Variants in KCNQ5 observed in about 807,000 individuals in gnomAD.
The protein encoded by KCNQ5 is potassium voltage-gated channel subfamily KQT member 5.
In KCNQ5, 30 loss-of-function variants were observed where a neutral mutation model predicts 98.2. The ratio of observed to expected loss-of-function variants is 0.31; its 90% CI spans 0.23 to 0.41. The LOEUF is 0.41. Ranked by LOEUF, KCNQ5 falls within the 10% of genes least tolerant of loss-of-function variation. The probability of loss-of-function intolerance (pLI) is 1.00; values close to 1 mark genes in which losing one functional copy is unlikely to be tolerated. For missense variants in KCNQ5, 835 were observed against 1,182.5 expected (o/e 0.71, Z 4.31); for synonymous variants, 458 against 449.4 (o/e 1.02, Z -0.24).
At chr6:72,759,602 T>G (rs1297319381) in intron 1 of KCNQ5, among the ~76,000 whole-genome samples, 1 of 152,026 alleles carries the variant, frequency 6.6e-6, no homozygotes. Context: ...GCCTCCCAAT[T>G]TACCTGGCAC....
intron 1 of KCNQ5, among the ~76,000 whole-genome samples, chr6:72,868,692 G>A (rs4706515): frequency 0.39 from 59,870 of 152,028 alleles, 12,536 homozygotes; most frequent in South Asian, 0.5. Flanking sequence ...AGAGCAACCA[G>A]TAAGCTCTAT....
At chr6:72,707,692 A>T (rs941611083) in intron 1 of KCNQ5, among the ~76,000 whole-genome samples, 3 of 152,192 alleles carry the variant, frequency 2.0e-5, no homozygotes, top group Non-Finnish European at 4.4e-5. Flanking sequence ...TTTTATGTGC[A>T]CATGTTTAAC....
intron 1 of KCNQ5, among the ~76,000 whole-genome samples, chr6:72,644,640 A>G (rs1273379113): frequency 2.6e-5 from 4 of 152,198 alleles, no homozygotes; most frequent in Non-Finnish European, 5.9e-5. Context: ...TGGAAGGATT[A>G]AACTACTAGA....
At chr6:72,633,857 T>C (rs2098922477) in intron 1 of KCNQ5, among the ~76,000 whole-genome samples, 1 of 152,200 alleles carries the variant, frequency 6.6e-6, no homozygotes, top group African/African-American at 2.4e-5. Flanking sequence ...ACTGGACCCC[T>C]ACCTTTCACC....
At chr6:73,085,477 C>A (rs7739433) in intron 5 of KCNQ5, among the ~76,000 whole-genome samples, 111,830 of 152,110 alleles carry the variant, frequency 0.74, 45,014 homozygotes, top group Non-Finnish European at 0.89. Flanking sequence ...TCCCTAGCTC[C>A]TTTGAAATCA....
intron 11 of KCNQ5, among the ~76,000 whole-genome samples, chr6:73,185,764 G>A (rs1778549358): frequency 6.6e-6 from 1 of 152,134 alleles, no homozygotes; most frequent in South Asian, 2.1e-4. Context: ...TTAGGAGGGA[G>A]GTAATATGCC....
At chr6:73,070,243 G>T (rs566920917) in intron 3 of KCNQ5, among the ~76,000 whole-genome samples, 21 of 151,992 alleles carry the variant, frequency 1.4e-4, no homozygotes, top group Non-Finnish European at 2.9e-4. Flanking sequence ...CACGAATATA[G>T]GAATAGGCAA....
intron 9 of KCNQ5, among the ~76,000 whole-genome samples, chr6:73,129,244 C>T (rs78530451): frequency 0.027 from 4,065 of 152,318 alleles, 87 homozygotes; most frequent in East Asian, 0.1. Flanking sequence ...CATCATAGGA[C>T]TTAAAATAAG....
intron 1 of KCNQ5, among the ~76,000 whole-genome samples, chr6:72,971,220 A>G (rs1440455122): frequency 6.6e-6 from 1 of 152,272 alleles, no homozygotes; most frequent in Non-Finnish European, 1.5e-5. Context: ...GAAGACATTT[A>G]TGCAGCCAAA....
At chr6:72,725,843 C>T (rs1770234582) in intron 1 of KCNQ5, among the ~76,000 whole-genome samples, 1 of 152,018 alleles carries the variant, frequency 6.6e-6, no homozygotes, top group Non-Finnish European at 1.5e-5. Context: ...TGTTTAATCA[C>T]CAAAGATAGT....
chr6:73,021,295 A>T (rs1211575088), intron 2 of KCNQ5, among the ~76,000 whole-genome samples: 7 of 152,202 alleles, frequency 4.6e-5, no homozygotes, highest in Non-Finnish European at 1.0e-4. Context: ...AAGAATAGGA[A>T]CTATTTGTTA....
At chr6:73,144,751 C>T (rs1042694988) in intron 10 of KCNQ5, among the ~76,000 whole-genome samples, 1 of 152,220 alleles carries the variant, frequency 6.6e-6, no homozygotes, top group Non-Finnish European at 1.5e-5. Flanking sequence ...GCTGACTGGA[C>T]TAAGGTGGTC....
At chr6:73,044,684 T>A (rs547864719) in intron 3 of KCNQ5, among the ~76,000 whole-genome samples, 63 of 152,300 alleles carry the variant, frequency 4.1e-4, no homozygotes, top group African/African-American at 1.5e-3. Flanking sequence ...TAAAAACGCT[T>A]GATGTAACTG....
Position 72,871,859 on chromosome 6 carries a change from C to G in KCNQ5, c.399-132049C>G, listed in dbSNP as rs79295667. On this transcript the variant is annotated intron_variant, in intron 1 of 13. Coordinates refer to ENST00000370398, the MANE Select transcript of KCNQ5 (RefSeq NM_019842.4). Reference sequence around the variant, plus strand: ...AATCTGAGATTGAGCAGGCATTCATCTGTAACCTCATATTTTTTCCTCAGA... The same window carrying G: ...AATCTGAGATTGAGCAGGCATTCATGTGTAACCTCATATTTTTTCCTCAGA... 5.4e-3 allele frequency among the ~76,000 whole-genome samples: 824 copies of G among 152,242 alleles called. 2 individuals are homozygous for G. The highest frequency in any genetic ancestry group is 7.4e-3 in the Non-Finnish European group (501 of 68,010).
chr6:72,710,129 A>T (rs768277029), intron 1 of KCNQ5, among the ~76,000 whole-genome samples: 4 of 152,188 alleles, frequency 2.6e-5, no homozygotes, highest in Non-Finnish European at 4.4e-5. Context: ...GCTTGTTATT[A>T]CAAATGGTGA....
At chr6:73,095,796 GAT>G (rs1369660902) in intron 5 of KCNQ5, among the ~76,000 whole-genome samples, 2 of 152,160 alleles carry the variant, frequency 1.3e-5, no homozygotes, top group African/African-American at 4.8e-5. Flanking sequence ...CTCAGCCGTG[GAT>G]GCTAGCACAG....
intron 1 of KCNQ5, among the ~76,000 whole-genome samples, chr6:72,979,590 G>A (rs2150294966): frequency 6.6e-6 from 1 of 152,218 alleles, no homozygotes. Flanking sequence ...TTTGTTAGAT[G>A]GGTAGATTGC....
intron 10 of KCNQ5, among the ~76,000 whole-genome samples, chr6:73,157,302 G>C (rs904775658): frequency 6.6e-6 from 1 of 152,196 alleles, no homozygotes; most frequent in Non-Finnish European, 1.5e-5. Flanking sequence ...GGAGGCGTTG[G>C]AGAAAGGCTT....
chr6:72,691,672 T>G (rs1188027844), intron 1 of KCNQ5, among the ~76,000 whole-genome samples: 2 of 152,194 alleles, frequency 1.3e-5, no homozygotes, highest in South Asian at 4.1e-4. Context: ...AATCACTTTT[T>G]TGGTAACTGC....
Sources: allele counts gnomAD v4.1 joint callset (sites outside exome capture counted in the v4.1 genomes callset), GRCh38; gene constraint gnomAD v4.1.1; transcripts MANE v1.5; gene names NCBI Gene and HGNC (gene_info 2026-07-23, HGNC 2026-07-21).